The following CADM2 variants were observed in gnomAD, a reference collection of about 807,000 sequenced individuals.
The protein encoded by CADM2 is immunoglobulin superfamily member 4D.
In CADM2, 12 loss-of-function variants were observed where a neutral mutation model predicts 49.8. The observed-to-expected ratio is 0.24, with a 90% CI of 0.15 to 0.39. The LOEUF (loss-of-function observed/expected upper bound fraction) is 0.39, where lower values mean the gene tolerates loss of function less well. Among genes scored for constraint, CADM2 ranks in the 10% least tolerant of loss-of-function variants. The pLI is 1.00. For synonymous variants in CADM2, 214 were observed against 175.4 expected, an observed-to-expected ratio of 1.22 and a Z score of -1.74; for missense variants, 378 against 492.3, an observed-to-expected ratio of 0.77 and a Z score of 2.20.
intron 1 of CADM2, among the ~76,000 whole-genome samples, chr3:85,482,887 A>T (rs1477162669): frequency 1.3e-5 from 2 of 151,612 alleles, no homozygotes; most frequent in Admixed American, 6.6e-5. Flanking sequence ...ATAAAACTTA[A>T]TATGCTATGT....
chr3:86,024,759 T>C (rs1276434021), intron 8 of CADM2, among the ~76,000 whole-genome samples: 1 of 152,172 alleles, frequency 6.6e-6, no homozygotes, highest in Non-Finnish European at 1.5e-5. Flanking sequence ...TGACTACATA[T>C]GTTGAAGACC....
At chr3:85,359,460 G>A (rs1268725822) in intron 1 of CADM2, among the ~76,000 whole-genome samples, 1 of 150,984 alleles carries the variant, frequency 6.6e-6, no homozygotes, top group Non-Finnish European at 1.5e-5. Context: ...GGTATGGCAA[G>A]TTGTGTCCTA....
At chr3:85,764,110 C>G (rs1239086515) in intron 2 of CADM2, among the ~76,000 whole-genome samples, 1 of 152,006 alleles carries the variant, frequency 6.6e-6, no homozygotes, top group Non-Finnish European at 1.5e-5. Flanking sequence ...TTCTTTTCTT[C>G]CGCATTATAT....
At chr3:85,417,082 T>G (rs2107486713) in intron 1 of CADM2, among the ~76,000 whole-genome samples, 1 of 152,208 alleles carries the variant, frequency 6.6e-6, no homozygotes, top group Non-Finnish European at 1.5e-5. Flanking sequence ...ATTATGTAGC[T>G]AATTGAAAAG....
intron 1 of CADM2, among the ~76,000 whole-genome samples, chr3:85,204,803 A>C (rs2041592828): frequency 6.6e-6 from 1 of 152,120 alleles, no homozygotes; most frequent in African/African-American, 2.4e-5. Context: ...AGACCATAAA[A>C]TAATTTGTAC....
At chr3:85,882,148 C>T (rs1351445163) in intron 3 of CADM2, among the ~76,000 whole-genome samples, 1 of 143,702 alleles carries the variant, frequency 7.0e-6, no homozygotes, top group Non-Finnish European at 1.5e-5. Context: ...GTAGAGACAT[C>T]CCCCCGCCCC....
chr3:86,044,834 A>C (rs1250376406), intron 8 of CADM2, among the ~76,000 whole-genome samples: 1 of 152,192 alleles, frequency 6.6e-6, no homozygotes, highest in East Asian at 1.9e-4. Flanking sequence ...GATAGACTGG[A>C]TTAAGAAAAT....
At chr3:85,541,751 TA>T (rs1272102006) in intron 1 of CADM2, among the ~76,000 whole-genome samples, 277 of 27,216 alleles carry the variant, frequency 0.01, 6 homozygotes, top group East Asian at 0.024. Context: ...ATATTTTATA[TA>T]TTTTATATAT....
intron 1 of CADM2, among the ~76,000 whole-genome samples, chr3:85,477,952 T>C (rs992337365): frequency 2.6e-5 from 4 of 151,990 alleles, no homozygotes; most frequent in African/African-American, 9.7e-5. Context: ...GGAAACTCAC[T>C]ATTAGCAAAA....
intron 1 of CADM2, among the ~76,000 whole-genome samples, chr3:85,312,694 T>C (rs2044375532): frequency 6.6e-6 from 1 of 152,136 alleles, no homozygotes; most frequent in East Asian, 1.9e-4. Flanking sequence ...TACCAAAAAT[T>C]AAAATAAAAA....
Position 85,652,772 on chromosome 3 carries a change from C to CTTTTTTTTTTTTTTTTTTTTTTTTTTTTT in CADM2, c.62-73726_62-73725insTTTTTTTTTTTTTTTTTTTTTTTTTTTTT, listed in dbSNP as rs34756757. On this transcript the variant is annotated intron_variant, in intron 1 of 9. Coordinates refer to ENST00000383699, the MANE Select transcript of CADM2 (RefSeq NM_001167675.2). ...TAACCTGAAAATCTTTTTTTCTTTT[C>CTTTTTTTTTTTTTTTTTTTTTTTTTTTTT]TTTTTTTTTTTTTTTTTTTTTTTTA... Among the ~76,000 whole-genome samples, 14 of 50,782 alleles carry CTTTTTTTTTTTTTTTTTTTTTTTTTTTTT rather than the reference C, an allele frequency of 2.8e-4. 4 individuals carry two copies. The highest frequency in any genetic ancestry group is 6.6e-4 in the Admixed American group (2 of 3,038). 33.3% of individuals were successfully genotyped at this position (50,782 alleles called of 152,430 possible). A position where few individuals can be genotyped will look rare whatever the true frequency, so the allele number is the denominator to read the frequency against.
In CADM2 at chr3:85,116,803, A is replaced by G. The variant is rs181198860; in HGVS notation, c.61+157135A>G. Among the ~76,000 whole-genome samples the G allele has an allele frequency of 2.6e-5, 4 of 152,274 alleles. No individual in the cohort carries two copies. The East Asian group carries it at 7.7e-4, about 29-fold the overall frequency. On this transcript the variant is annotated intron_variant, in intron 1 of 9. Coordinates refer to ENST00000383699, the MANE Select transcript of CADM2 (RefSeq NM_001167675.2). ...TTAAAATTTTGTAACTTATGATAGT[A>G]TACAGTTAAATGGTATAAAAAAATC...
At chr3:85,022,089 A>G (rs537123625) in intron 1 of CADM2, among the ~76,000 whole-genome samples, 4 of 152,322 alleles carry the variant, frequency 2.6e-5, no homozygotes, top group African/African-American at 9.6e-5. Context: ...AAATGGCTTA[A>G]GAGCCAGGGG....
intron 1 of CADM2, among the ~76,000 whole-genome samples, chr3:85,266,092 G>A (rs569218293): frequency 6.6e-6 from 1 of 152,002 alleles, no homozygotes; most frequent in Non-Finnish European, 1.5e-5. Context: ...ATGCATAAAT[G>A]TCTCGATTCT....
chr3:85,754,290 C>G (rs545121039), intron 2 of CADM2, among the ~76,000 whole-genome samples: 1 of 152,262 alleles, frequency 6.6e-6, no homozygotes, highest in Admixed American at 6.5e-5. Flanking sequence ...TCCCTGACAC[C>G]AGGTGCAACC....
At chr3:85,708,915 T>C in intron 1 of CADM2, among the ~76,000 whole-genome samples, 1 of 152,060 alleles carries the variant, frequency 6.6e-6, no homozygotes, top group East Asian at 1.9e-4. Flanking sequence ...TTAAACAGAT[T>C]GTTTATTTCT....
chr3:85,459,436 G>A lies in CADM2; in HGVS notation c.62-267086G>A, dbSNP rs566932886. The stretch of plus-strand genomic sequence containing the variant: ...GTGTGGAATTTCTAGCCTCTATCCT[G>A]GGTGATAGGCTCTGCCAGTAGTGAG... On this transcript the variant is annotated intron_variant, in intron 1 of 9. Transcript: ENST00000383699. Among the ~76,000 whole-genome samples, 5 of 152,246 alleles carry A rather than the reference G, an allele frequency of 3.3e-5. No individual in the cohort carries two copies. In the South Asian group the frequency reaches 1.0e-3, roughly 32 times the overall value.
intron 1 of CADM2, among the ~76,000 whole-genome samples, chr3:85,446,991 C>CATATATATATATATAT (rs141177883): frequency 1.8e-5 from 1 of 54,552 alleles, no homozygotes. Flanking sequence ...ATATGTATTG[C>CATATATATATATATAT]ATATATATAT....
chr3:85,753,766 G>T (rs1464721817), intron 2 of CADM2, among the ~76,000 whole-genome samples: 1 of 152,108 alleles, frequency 6.6e-6, no homozygotes, highest in Non-Finnish European at 1.5e-5. Context: ...ATTGTTAGTG[G>T]CCGCGAACTC....
Sources: allele counts gnomAD v4.1 joint callset (sites outside exome capture counted in the v4.1 genomes callset), GRCh38; gene constraint gnomAD v4.1.1; transcripts MANE v1.5; gene names NCBI Gene and HGNC (gene_info 2026-07-23, HGNC 2026-07-21).